Variants in EDIL3 observed in about 807,000 individuals in gnomAD.
The protein encoded by EDIL3 is EGF-like repeat and discoidin I-like domain-containing protein 3.
In EDIL3, 37 loss-of-function variants were observed where a neutral mutation model predicts 67.4. The ratio of observed to expected loss-of-function variants is 0.55; its 90% CI spans 0.42 to 0.72. The LOEUF is 0.72. EDIL3 is among the 30% of genes least tolerant of loss of function. The pLI is 0.00. For missense variants in EDIL3, 527 were observed against 586.3 expected (o/e 0.90, Z 1.04); for synonymous variants, 195 against 196.3 (o/e 0.99, Z 0.05).
chr5:84,195,896 A>G (rs1254240524), intron 3 of EDIL3, among the ~76,000 whole-genome samples: 2 of 151,958 alleles, frequency 1.3e-5, no homozygotes, highest in Non-Finnish European at 2.9e-5. Context: ...AACCTGGGAA[A>G]TTTCAAGGAG....
intron 9 of EDIL3, among the ~76,000 whole-genome samples, chr5:83,978,021 TAAAACAATAACAAGAG>T (rs1288068829): frequency 2.6e-5 from 4 of 151,716 alleles, no homozygotes; most frequent in African/African-American, 9.7e-5. Context: ...AGACTTTATA[TAAAACAATAACAAGAG>T]AAAAGAAATA....
intron 3 of EDIL3, among the ~76,000 whole-genome samples, chr5:84,187,855 T>C (rs1264447270): frequency 1.3e-5 from 2 of 152,002 alleles, no homozygotes; most frequent in African/African-American, 4.8e-5. Flanking sequence ...TCCTTCTCCT[T>C]TGTACTCCTC....
chr5:84,015,390 A>C (rs1745584570), intron 9 of EDIL3, among the ~76,000 whole-genome samples: 2 of 152,214 alleles, frequency 1.3e-5, no homozygotes, highest in Non-Finnish European at 2.9e-5. Flanking sequence ...TTTTAGGCCC[A>C]GACTCATAAT....
At chr5:83,949,985 T>C (rs1032741918) in intron 10 of EDIL3, among the ~76,000 whole-genome samples, 1 of 151,814 alleles carries the variant, frequency 6.6e-6, no homozygotes, top group Non-Finnish European at 1.5e-5. Flanking sequence ...GCCATACAGA[T>C]GGTCAACCAT....
chr5:84,343,892 G>C (rs1747180801), intron 1 of EDIL3, among the ~76,000 whole-genome samples: 1 of 152,034 alleles, frequency 6.6e-6, no homozygotes, highest in Non-Finnish European at 1.5e-5. Context: ...AAAAGTAATG[G>C]AGTTTTAGGT....
At chr5:84,115,027 G>A (rs1580333890) in intron 5 of EDIL3, among the ~76,000 whole-genome samples, 1 of 152,078 alleles carries the variant, frequency 6.6e-6, no homozygotes, top group South Asian at 2.1e-4. Context: ...TCAATATTAC[G>A]GGATAAAGTA....
intron 9 of EDIL3, among the ~76,000 whole-genome samples, chr5:83,967,257 G>T (rs910402940): frequency 6.6e-6 from 1 of 152,062 alleles, no homozygotes; most frequent in African/African-American, 2.4e-5. Context: ...GGAGGTGGAG[G>T]TTTCAGCAAG....
Position 84,106,788 on chromosome 5 carries a change from T to C in EDIL3, c.512A>G (p.Asn171Ser). Residue 171 changes from asparagine (N) to serine (S), a missense_variant, in exon 6 of 11, where the codon AAC becomes AGC. This residue lies in a region of EDIL3 where 494 missense variants were observed against 522.5 expected (regional missense o/e 0.95). Transcript: ENST00000296591. Reference protein sequence around the residue: ...PLGIEGGIISNQQITASSTHR... With the variant: ...PLGIEGGIISSQQITASSTHR... ...AGTAGAGGAAGCTGTGATTTGCTGG[T>C]TTGATATAATTCCACCTTCAATTCC... The C allele has an allele frequency of 6.2e-7, 1 of 1,611,340 alleles. No individual in the cohort carries two copies. Among genetic ancestry groups the C allele is most frequent in the Non-Finnish European group, 8.5e-7 (1 of 1,178,980 alleles).
intron 10 of EDIL3, among the ~76,000 whole-genome samples, chr5:83,956,851 T>G (rs1408283403): frequency 6.6e-6 from 1 of 151,746 alleles, no homozygotes; most frequent in Non-Finnish European, 1.5e-5. Context: ...TATACATACC[T>G]GTCTATGTAC....
At chr5:84,329,874 A>C (rs1746836852) in intron 1 of EDIL3, among the ~76,000 whole-genome samples, 2 of 152,116 alleles carry the variant, frequency 1.3e-5, no homozygotes, top group Admixed American at 1.3e-4. Flanking sequence ...GCACAGAAGA[A>C]AAAATAGATT....
At chr5:83,970,109 T>C (rs1355996821) in intron 9 of EDIL3, among the ~76,000 whole-genome samples, 2 of 151,676 alleles carry the variant, frequency 1.3e-5, no homozygotes, top group East Asian at 1.9e-4. Flanking sequence ...AGATCAACTT[T>C]TTTTAGCTTC....
At chr5:84,164,873 T>C (rs552351749) in intron 4 of EDIL3, among the ~76,000 whole-genome samples, 2 of 152,094 alleles carry the variant, frequency 1.3e-5, no homozygotes, top group Non-Finnish European at 2.9e-5. Flanking sequence ...GGGACTTTCC[T>C]GCCTGAGGAA....
intron 9 of EDIL3, among the ~76,000 whole-genome samples, chr5:83,964,825 T>C (rs557757918): frequency 1.8e-4 from 27 of 152,178 alleles, no homozygotes; most frequent in Non-Finnish European, 4.4e-5. Flanking sequence ...TTTCTAAACA[T>C]GTATTATATT....
chr5:83,960,896 TA>T, intron 10 of EDIL3, among the ~76,000 whole-genome samples: 1 of 151,046 alleles, frequency 6.6e-6, no homozygotes, highest in East Asian at 1.9e-4. Flanking sequence ...ATAAATTGTT[TA>T]AATGCTCCAC....
Position 84,016,026 on chromosome 5 carries a change from G to A in EDIL3, c.1137+44274C>T, listed in dbSNP as rs576052050. Among the ~76,000 whole-genome samples, 240 of 152,040 alleles carry A rather than the reference G, an allele frequency of 1.6e-3. 1 individual carries two copies. Among genetic ancestry groups the A allele is most frequent in the Admixed American group, 5.9e-3 (90 of 15,228 alleles). On this transcript the variant is annotated intron_variant, in intron 9 of 10. Transcript: ENST00000296591. ...CTAGTACCTAACAGCTATCTTTTCT[G>A]CTCCTCTCCCTCCTCCCACCACCCA...
chr5:84,306,684 T>C (rs897813497), intron 1 of EDIL3, among the ~76,000 whole-genome samples: 1 of 152,202 alleles, frequency 6.6e-6, no homozygotes, highest in African/African-American at 2.4e-5. Context: ...TTTTATTATT[T>C]TGTGATATGA....
intron 1 of EDIL3, among the ~76,000 whole-genome samples, chr5:84,272,996 G>C (rs1745506132): frequency 6.6e-6 from 1 of 151,986 alleles, no homozygotes; most frequent in South Asian, 2.1e-4. Context: ...CTCAACCTCT[G>C]TTTCTCTACA....
chr5:84,052,955 G>A (rs1746370282), intron 9 of EDIL3, among the ~76,000 whole-genome samples: 1 of 152,148 alleles, frequency 6.6e-6, no homozygotes, highest in African/African-American at 2.4e-5. Flanking sequence ...GCACCAAGTG[G>A]ACCTAATAGA....
rs113582455 is a variant in EDIL3, at chr5:84,232,934, A to G, written c.197-3050T>C. ...TTGCCTTATTAATGACATTTCTGCG[A>G]AACAAGTATCACAGAAGGTACTATC... On this transcript the variant is annotated intron_variant, in intron 2 of 10. Coordinates refer to ENST00000296591, the MANE Select transcript of EDIL3 (RefSeq NM_005711.5). Among the ~76,000 whole-genome samples the G allele has an allele frequency of 8.6e-4, 131 of 152,318 alleles. 1 individual carries two copies. The highest frequency in any genetic ancestry group is 3.1e-3 in the African/African-American group (129 of 41,580).
Sources: allele counts gnomAD v4.1 joint callset (sites outside exome capture counted in the v4.1 genomes callset), GRCh38; gene constraint gnomAD v4.1.1; regional missense constraint gnomAD v4.1.1; transcripts MANE v1.5; gene names NCBI Gene and HGNC (gene_info 2026-07-23, HGNC 2026-07-21).